CORIN: variants seen among roughly 807,000 people sequenced by gnomAD.
CORIN encodes the protein corin, serine peptidase.
Under a neutral mutation model 125.3 loss-of-function variants are expected in CORIN, and 117 were observed. The observed-to-expected ratio is 0.93, with a 90% CI of 0.80 to 1.09. The LOEUF (loss-of-function observed/expected upper bound fraction) is 1.09, where lower values mean the gene tolerates loss of function less well. Ranked by LOEUF, CORIN falls within the 50% of genes least tolerant of loss-of-function variation. The probability of loss-of-function intolerance (pLI) is 0.00; values close to 1 mark genes in which losing one functional copy is unlikely to be tolerated. For missense variants in CORIN, 1,253 were observed against 1,306.7 expected (o/e 0.96, Z 0.63); for synonymous variants, 450 against 466.4 (o/e 0.96, Z 0.45).
chr4:47,820,109 C>G (rs576396639), intron 1 of CORIN, among the ~76,000 whole-genome samples: 1 of 152,200 alleles, frequency 6.6e-6, no homozygotes, highest in Admixed American at 6.5e-5. Context: ...TCAAATGGAA[C>G]CATCCATGGT....
chr4:47,600,741 C>G (rs1721419380), intron 20 of CORIN, among the ~76,000 whole-genome samples: 1 of 152,298 alleles, frequency 6.6e-6, no homozygotes, highest in East Asian at 1.9e-4. Flanking sequence ...CATGATAGTC[C>G]TGCTCTGCTA....
At chr4:47,736,384 A>G (rs1258942314) in intron 5 of CORIN, among the ~76,000 whole-genome samples, 2 of 152,248 alleles carry the variant, frequency 1.3e-5, no homozygotes, top group Non-Finnish European at 2.9e-5. Flanking sequence ...GATAAAACAC[A>G]AGAAACATCT....
At chr4:47,722,889 A>G (rs1378161912) in intron 5 of CORIN, among the ~76,000 whole-genome samples, 2 of 152,234 alleles carry the variant, frequency 1.3e-5, no homozygotes, top group African/African-American at 2.4e-5. Flanking sequence ...AGGGAAATAA[A>G]AACTTAAAGA....
intron 3 of CORIN, among the ~76,000 whole-genome samples, chr4:47,778,007 T>G (rs1375195530): frequency 1.3e-5 from 2 of 152,216 alleles, no homozygotes; most frequent in Non-Finnish European, 2.9e-5. Context: ...TTTTTTTGGT[T>G]TTTTGATTTT....
intron 19 of CORIN, among the ~76,000 whole-genome samples, chr4:47,618,334 A>G (rs1380407749): frequency 3.6e-5 from 5 of 140,088 alleles, no homozygotes; most frequent in Non-Finnish European, 6.3e-5. Context: ...AACTCCATCA[A>G]AAAAAAAAAA....
chr4:47,595,885 G>A lies in CORIN; in HGVS notation c.2965C>T (p.Leu989Phe), dbSNP rs1270572890. The change falls in exon 22 of 22, where the codon CTT (leucine) becomes TTT (phenylalanine). Residue 989 changes from leucine to phenylalanine, a missense_variant. Transcript: ENST00000273857. ...DSCMGDSGGP[L>F]VCEKPGGRWT... ...CGTCCTCCAGGCTTCTCACAAACAA[G>A]AGGCCCACCGCTGTCACCCTGCAAT... 6.2e-7 allele frequency: 1 copy of A among 1,610,372 alleles called. No homozygotes were observed. The highest frequency in any genetic ancestry group is 8.5e-7 in the Non-Finnish European group (1 of 1,179,022).
intron 2 of CORIN, among the ~76,000 whole-genome samples, chr4:47,790,938 T>G (rs1200575128): frequency 6.6e-6 from 1 of 152,140 alleles, no homozygotes; most frequent in African/African-American, 2.4e-5. Context: ...ATTTAAGAAA[T>G]AGTATATAAT....
chr4:47,767,332 A>G (rs1729804466), intron 3 of CORIN, among the ~76,000 whole-genome samples: 1 of 151,930 alleles, frequency 6.6e-6, no homozygotes, highest in African/African-American at 2.4e-5. Context: ...CACAGAATAC[A>G]AGACAGCCAC....
At chr4:47,618,277 T>G (rs1577742146) in intron 19 of CORIN, among the ~76,000 whole-genome samples, 1 of 138,326 alleles carries the variant, frequency 7.2e-6, no homozygotes. Flanking sequence ...GAGGTTGCAG[T>G]GAGACGAGAT....
At chr4:47,658,106 G>A (rs1014374330) in intron 12 of CORIN, among the ~76,000 whole-genome samples, 2 of 152,076 alleles carry the variant, frequency 1.3e-5, no homozygotes, top group African/African-American at 4.8e-5. Context: ...ATCAAAAGAA[G>A]GTATTTACTT....
chr4:47,600,460 A>G, intron 20 of CORIN, 113 bp from the exon 21 acceptor site: 1 of 688,274 alleles, frequency 1.5e-6, no homozygotes, highest in South Asian at 3.2e-5. Flanking sequence ...TTTTATACCA[A>G]GAGAGGCATA....
chr4:47,659,150 T>G (rs1724133423), intron 12 of CORIN, among the ~76,000 whole-genome samples: 1 of 152,216 alleles, frequency 6.6e-6, no homozygotes, highest in Admixed American at 6.5e-5. Context: ...CTCATCAGCC[T>G]GGCCTTCACT....
intron 4 of CORIN, among the ~76,000 whole-genome samples, chr4:47,755,685 A>C (rs1309590555): frequency 6.6e-6 from 1 of 152,154 alleles, no homozygotes; most frequent in African/African-American, 2.4e-5. Context: ...CAACCAGATC[A>C]TCAGTGTTGC....
intron 16 of CORIN, among the ~76,000 whole-genome samples, chr4:47,634,198 G>A (rs964604977): frequency 3.3e-5 from 5 of 152,158 alleles, no homozygotes; most frequent in Non-Finnish European, 7.4e-5. Flanking sequence ...TGTGTTGTGG[G>A]GAGGAGGGCA....
At chr4:47,802,679 G>A (rs530325274) in intron 2 of CORIN, among the ~76,000 whole-genome samples, 1 of 152,328 alleles carries the variant, frequency 6.6e-6, no homozygotes, top group South Asian at 2.1e-4. Flanking sequence ...CCTGAGGCCT[G>A]GGGGAGCTCA....
chr4:47,632,725 T>TAGATAGACAGATAGATA (rs5858081), intron 16 of CORIN, among the ~76,000 whole-genome samples: 1 of 126,658 alleles, frequency 7.9e-6, no homozygotes, highest in Non-Finnish European at 1.6e-5. Flanking sequence ...TGACAATAGA[T>TAGATAGACAGATAGATA]GATAGATAGA....
Position 47,701,647 on chromosome 4 carries a change from A to G in CORIN, c.800-8564T>C, listed in dbSNP as rs143148909. Among the ~76,000 whole-genome samples, 987 of 152,276 alleles carry G rather than the reference A, an allele frequency of 6.5e-3. 13 individuals are homozygous for G. The highest frequency in any genetic ancestry group is 0.022 in the African/African-American group (909 of 41,554). On this transcript the variant is annotated intron_variant, in intron 5 of 21. Transcript: ENST00000273857. ...ATTTCAAGTACAGTCACAGTAAAAA[A>G]TCCTACCCAGTAGATTTTAAATCTA...
At chr4:47,814,587 C>A (rs956457777) in intron 1 of CORIN, among the ~76,000 whole-genome samples, 2 of 152,050 alleles carry the variant, frequency 1.3e-5, no homozygotes, top group African/African-American at 4.8e-5. Flanking sequence ...GTTCTCAAGC[C>A]AGGCATCTGC....
In CORIN at chr4:47,822,041, TACTAAATTGTTC is replaced by T. The variant is rs147098239; in HGVS notation, c.64-15006_64-14995del. Among the ~76,000 whole-genome samples the T allele has an allele frequency of 8.3e-3, 1,270 of 152,310 alleles. 21 individuals are homozygous for T. Among genetic ancestry groups the T allele is most frequent in the African/African-American group, 0.03 (1,232 of 41,558 alleles). ...AAGATTAAGTTGTATATTAACAGTA[TACTAAATTGTTC>T]ACTACTTTCAAAAAGAAAAAATGTC... On this transcript the variant is annotated intron_variant, in intron 1 of 21. Transcript: ENST00000273857.
Sources: gnomAD v4.1 joint callset for allele counts (sites outside exome capture counted in the v4.1 genomes callset) on GRCh38, gnomAD v4.1.1 for gene constraint, MANE v1.5 for transcripts, NCBI Gene and HGNC (gene_info 2026-07-23, HGNC 2026-07-21) for gene names.